MYO3A: variants seen among roughly 807,000 people sequenced by gnomAD.
The protein encoded by MYO3A is myosin IIIA, also known as myosin-IIIa.
Under a neutral mutation model 192.7 loss-of-function variants are expected in MYO3A, and 180 were observed. The ratio of observed to expected loss-of-function variants is 0.93; its 90% confidence interval spans 0.83 to 1.06. MYO3A has a LOEUF of 1.06. MYO3A is among the 50% of genes least tolerant of loss of function. The pLI is 0.00. For missense variants in MYO3A, 1,896 were observed against 1,905.0 expected (o/e 1.00, Z 0.09); for synonymous variants, 628 against 645.3 (o/e 0.97, Z 0.41).
chr10:26,006,831 A>G (rs1158975000), intron 6 of MYO3A, among the ~76,000 whole-genome samples: 2 of 151,752 alleles, frequency 1.3e-5, no homozygotes, highest in Non-Finnish European at 2.9e-5. Context: ...ATTCCTTCTG[A>G]AACTATTCCA....
chr10:26,139,262 G>A (rs1408327732), intron 20 of MYO3A, among the ~76,000 whole-genome samples: 1 of 152,028 alleles, frequency 6.6e-6, no homozygotes, highest in Non-Finnish European at 1.5e-5. Flanking sequence ...TTGAGATGGA[G>A]TTTCATTCTT....
rs541517060 is a variant in MYO3A, at chr10:25,973,839, G to T, written c.303+18831G>T. Among the ~76,000 whole-genome samples the T allele has an allele frequency of 3.3e-5, 5 of 152,270 alleles. No individual in the cohort carries two copies. The East Asian group carries it at 9.6e-4, about 29-fold the overall frequency. On this transcript the variant is annotated intron_variant, in intron 4 of 34. Coordinates refer to ENST00000642920, the MANE Select transcript of MYO3A (RefSeq NM_017433.5). Reference sequence around the variant, plus strand: ...AAACCAGACAAAAACAAGCAATGGAGAAAGGATTCCCTATTTAATAAATGG... The same window carrying T: ...AAACCAGACAAAAACAAGCAATGGATAAAGGATTCCCTATTTAATAAATGG...
chr10:25,992,784 G>C (rs576894560), intron 4 of MYO3A, among the ~76,000 whole-genome samples: 75 of 152,192 alleles, frequency 4.9e-4, no homozygotes, highest in African/African-American at 1.8e-3. Flanking sequence ...TTTTATCTTT[G>C]GTTCTGTTTA....
At chr10:26,009,445 G>A (rs1488215528) in intron 6 of MYO3A, among the ~76,000 whole-genome samples, 2 of 152,184 alleles carry the variant, frequency 1.3e-5, no homozygotes, top group Non-Finnish European at 2.9e-5. Flanking sequence ...AAATGAGAGA[G>A]CAGGCCCAAG....
rs1243127485 is a variant in MYO3A, at chr10:26,065,844, G to A, written c.954-1131G>A. ...ATACAAAAAGAGCAGTGGGCCGGGC[G>A]CGGTGGCTCACGCCTGTAATCCCAG... On this transcript the variant is annotated intron_variant, in intron 10 of 34. Transcript: ENST00000642920. 1.6e-4 allele frequency among the ~76,000 whole-genome samples: 7 copies of A among 42,912 alleles called. 1 individual carries two copies. Among genetic ancestry groups the A allele is most frequent in the Non-Finnish European group, 3.7e-4 (5 of 13,446 alleles). 28.2% of individuals were successfully genotyped at this position (42,912 alleles called of 152,430 possible). A position where few individuals can be genotyped will look rare whatever the true frequency, so the allele number is the denominator to read the frequency against.
intron 4 of MYO3A, among the ~76,000 whole-genome samples, chr10:25,989,805 GAGTC>G (rs1375362183): frequency 1.3e-5 from 2 of 152,140 alleles, no homozygotes; most frequent in Non-Finnish European, 2.9e-5. Flanking sequence ...GGTTAGAAGA[GAGTC>G]AGGGAAATGA....
chr10:26,064,422 T>C (rs1834688951), intron 10 of MYO3A, among the ~76,000 whole-genome samples: 1 of 152,126 alleles, frequency 6.6e-6, no homozygotes, highest in South Asian at 2.1e-4. Flanking sequence ...AGAGAAATAA[T>C]AGGGGTATTG....
chr10:26,039,898 TTC>T (rs1843247756), intron 10 of MYO3A, among the ~76,000 whole-genome samples: 1 of 152,086 alleles, frequency 6.6e-6, no homozygotes, highest in Non-Finnish European at 1.5e-5. Context: ...TCTTTATTAT[TTC>T]TTTTCTTTTA....
Position 26,026,472 on chromosome 10 carries a change from A to G in MYO3A, c.893A>G (p.Gln298Arg). ...TQIEGKDVML[Q>R]KQLTEFIGIH... Reference sequence around the variant, plus strand: ...ATTGAGGGCAAAGATGTGATGCTACAAAAACAACTAACGGAATTCATTGGC... The same window carrying G: ...ATTGAGGGCAAAGATGTGATGCTACGAAAACAACTAACGGAATTCATTGGC... The change falls in exon 10 of 35, where the codon CAA (glutamine) becomes CGA (arginine). Residue 298 changes from glutamine to arginine, a missense_variant. Physicochemically the swap from Gln to Arg is conservative, Grantham distance 43. Transcript: ENST00000642920. 6.2e-7 allele frequency: 1 copy of G among 1,614,176 alleles called. No homozygotes were observed. The highest frequency in any genetic ancestry group is 8.5e-7 in the Non-Finnish European group (1 of 1,180,012).
chr10:26,009,039 T>G (rs1456414802), intron 6 of MYO3A, among the ~76,000 whole-genome samples: 8 of 152,080 alleles, frequency 5.3e-5, no homozygotes, highest in African/African-American at 9.7e-5. Flanking sequence ...CATGGAATAC[T>G]ATGCAGCCAT....
At chr10:25,999,433 A>G (rs1000989236) in intron 6 of MYO3A, among the ~76,000 whole-genome samples, 4 of 152,138 alleles carry the variant, frequency 2.6e-5, no homozygotes, top group Non-Finnish European at 5.9e-5. Flanking sequence ...GCCTATGGTG[A>G]TTAGTAGGTT....
chr10:26,055,718 G>T (rs1273936743), intron 10 of MYO3A, among the ~76,000 whole-genome samples: 1 of 152,178 alleles, frequency 6.6e-6, no homozygotes, highest in African/African-American at 2.4e-5. Flanking sequence ...TTTTAACATG[G>T]TTTACCCTCC....
At position 26,157,464 on chromosome 10, in the gene MYO3A, T is replaced by G; in HGVS notation, c.2948T>G (p.Ile983Ser). ...RYTGILETAR[I>S]RRLGFSHRIL... ...ACAGGAATTCTGGAAACAGCAAGAATTCGAAGACTAGGATTCTCCCATCGG... is the reference window on the plus strand; with the variant it reads ...ACAGGAATTCTGGAAACAGCAAGAAGTCGAAGACTAGGATTCTCCCATCGG... The change falls in exon 26 of 35, where the codon ATT becomes AGT. Residue 983 changes from isoleucine to serine, a missense_variant. Transcript: ENST00000642920. 6.2e-7 allele frequency: 1 copy of G among 1,614,188 alleles called. No individual in the cohort carries two copies. Among genetic ancestry groups the G allele is most frequent in the Non-Finnish European group, 8.5e-7 (1 of 1,180,002 alleles).
Position 26,182,676 on chromosome 10 carries a change from C to G in MYO3A, c.4438+5831C>G, listed in dbSNP as rs192817596. Reference sequence around the variant, plus strand: ...TATAAATTTTTTAAATAAATGAATACCCACTTCATTTTGAAAAATAGCCAA... The same window carrying G: ...TATAAATTTTTTAAATAAATGAATAGCCACTTCATTTTGAAAAATAGCCAA... On this transcript the variant is annotated intron_variant, in intron 31 of 34. Coordinates refer to ENST00000642920, the MANE Select transcript of MYO3A (RefSeq NM_017433.5). Among the ~76,000 whole-genome samples the G allele has an allele frequency of 4.4e-4, 67 of 152,246 alleles. 1 individual carries two copies. The East Asian group carries it at 8.3e-3, about 19-fold the overall frequency.
chr10:25,993,276 G>C (rs1840175564), intron 4 of MYO3A, among the ~76,000 whole-genome samples: 1 of 152,116 alleles, frequency 6.6e-6, no homozygotes, highest in Non-Finnish European at 1.5e-5. Flanking sequence ...ATTTAATCTA[G>C]ATTTTCTAAT....
chr10:26,093,816 A>G (rs1282736091), intron 15 of MYO3A, among the ~76,000 whole-genome samples: 1 of 152,102 alleles, frequency 6.6e-6, no homozygotes, highest in Non-Finnish European at 1.5e-5. Flanking sequence ...ATTGCCAACT[A>G]CCTACATATC....
chr10:26,211,766 C>A, intron 34 of MYO3A, 77 bp from the exon 35 acceptor site: 1 of 1,597,718 alleles, frequency 6.3e-7, no homozygotes, highest in Non-Finnish European at 8.5e-7. Flanking sequence ...GAAGAGGACC[C>A]GCCTAACTCG....
At chr10:25,943,768 T>TTGTGTGTGTGTG (rs58905708) in intron 2 of MYO3A, among the ~76,000 whole-genome samples, 16,065 of 142,496 alleles carry the variant, frequency 0.11, 1,149 homozygotes, top group East Asian at 0.24. Flanking sequence ...GTTCTAACAT[T>TTGTGTGTGTGTG]TGTGTGTGTG....
chr10:26,003,041 A>C (rs1193766359), intron 6 of MYO3A, among the ~76,000 whole-genome samples: 1 of 152,180 alleles, frequency 6.6e-6, no homozygotes, highest in Non-Finnish European at 1.5e-5. Flanking sequence ...GAGGGGGAAG[A>C]CTTGCCATAT....
Sources: allele counts gnomAD v4.1 joint callset (sites outside exome capture counted in the v4.1 genomes callset), GRCh38; gene constraint gnomAD v4.1.1; transcripts MANE v1.5; gene names NCBI Gene and HGNC (gene_info 2026-07-23, HGNC 2026-07-21).